The following PCSK5 variants were observed in gnomAD, a reference collection of about 807,000 sequenced individuals.
PCSK5 encodes the protein prohormone convertase 5.
A neutral mutation model predicts 233.2 loss-of-function variants in PCSK5; 129 were observed. That is an observed-to-expected ratio of 0.55 (90% CI 0.48 to 0.64). The LOEUF is 0.64. PCSK5 is among the 30% of genes least tolerant of loss of function. PCSK5 has a pLI of 0.00. For synonymous variants in PCSK5, 825 were observed against 879.2 expected (o/e 0.94, Z 1.09); for missense variants, 2,076 against 2,430.1 (o/e 0.85, Z 3.06).
At chr9:76,185,971 T>C (rs1824084436) in intron 17 of PCSK5, among the ~76,000 whole-genome samples, 1 of 152,178 alleles carries the variant, frequency 6.6e-6, no homozygotes, top group South Asian at 2.1e-4. Context: ...TTAGGGAACA[T>C]TGTATAGAGT....
At chr9:76,055,936 T>C (rs948162233) in intron 5 of PCSK5, among the ~76,000 whole-genome samples, 4 of 152,124 alleles carry the variant, frequency 2.6e-5, no homozygotes, top group Non-Finnish European at 5.9e-5. Flanking sequence ...ACATGACCAA[T>C]TAGAAACATC....
At chr9:76,001,427 GTTACATA>G (rs1397987461) in intron 3 of PCSK5, among the ~76,000 whole-genome samples, 1 of 117,502 alleles carries the variant, frequency 8.5e-6, no homozygotes, top group Non-Finnish European at 1.8e-5. Flanking sequence ...AAAAATCTTT[GTTACATA>G]TTACATGATT....
intron 3 of PCSK5, 37 bp from the exon 4 acceptor site, chr9:76,023,701 T>C (rs1287150013): frequency 1.3e-6 from 2 of 1,552,544 alleles, no homozygotes; most frequent in Non-Finnish European, 1.7e-6. Context: ...ATTTCCTCAC[T>C]ATTTAGTAAT....
intron 22 of PCSK5, 121 bp from the exon 23 acceptor site, chr9:76,238,838 A>G: frequency 1.5e-6 from 1 of 685,414 alleles, no homozygotes; most frequent in Non-Finnish European, 2.5e-6. Flanking sequence ...TACACCCCTC[A>G]TCCACTAGGA....
chr9:76,327,991 G>A lies in PCSK5; in HGVS notation c.4340-18G>A, dbSNP rs747776272. 2 of 1,534,046 alleles carry A rather than the reference G, an allele frequency of 1.3e-6. No individual in the cohort carries two copies. The highest frequency in any genetic ancestry group is 3.3e-5 in the Admixed American group (2 of 59,916). ...CTGGCTCTCGCTCACTCTGTCTGCT[G>A]CCCCTCCACGCCCACAGATTGCCAC... On this transcript the variant is annotated intron_variant, in intron 32 of 37. Coordinates refer to ENST00000674117, the MANE Select transcript of PCSK5 (RefSeq NM_001372043.1).
At chr9:76,292,492 T>C (rs1249343451) in intron 25 of PCSK5, among the ~76,000 whole-genome samples, 1 of 152,222 alleles carries the variant, frequency 6.6e-6, no homozygotes, top group Admixed American at 6.5e-5. Flanking sequence ...CTGGAAGTCA[T>C]CCAGCCTGAC....
intron 24 of PCSK5, among the ~76,000 whole-genome samples, chr9:76,267,950 T>TACACAC (rs10539241): frequency 1.3e-5 from 2 of 149,314 alleles, no homozygotes; most frequent in Non-Finnish European, 1.5e-5. Context: ...CTTATGGGTA[T>TACACAC]ACACACACAC....
In PCSK5 at chr9:76,169,541, G is replaced by GTA. The variant is rs146431167; in HGVS notation, c.1620-151_1620-150dup. ...GTAAAACAATGATTTATATATATAT[G>GTA]TATATATATATATCTGCAAATTGGT... is the stretch of plus-strand genomic sequence containing the variant. On this transcript the variant is annotated intron_variant, in intron 12 of 37. Coordinates refer to ENST00000674117, the MANE Select transcript of PCSK5 (RefSeq NM_001372043.1). 3.9e-4 allele frequency among the ~76,000 whole-genome samples: 59 copies of GTA among 151,276 alleles called. 2 individuals are homozygous for GTA. The highest frequency in any genetic ancestry group is 3.4e-3 in the Middle Eastern group (1 of 294).
chr9:76,044,089 T>C (rs1391470318), intron 5 of PCSK5, among the ~76,000 whole-genome samples: 3 of 152,212 alleles, frequency 2.0e-5, no homozygotes, highest in African/African-American at 7.2e-5. Flanking sequence ...TGTTAATAAA[T>C]ATAAATGTTG....
chr9:76,100,448 T>C (rs1278020440), intron 8 of PCSK5, among the ~76,000 whole-genome samples: 2 of 152,254 alleles, frequency 1.3e-5, no homozygotes, highest in Non-Finnish European at 2.9e-5. Context: ...GGAAACCCTA[T>C]GCAGAAAGAT....
At chr9:76,136,383 T>C (rs1822978575) in intron 10 of PCSK5, among the ~76,000 whole-genome samples, 1 of 152,050 alleles carries the variant, frequency 6.6e-6, no homozygotes, top group Non-Finnish European at 1.5e-5. Context: ...TGCTATGACT[T>C]TTTATGAAAT....
intron 9 of PCSK5, among the ~76,000 whole-genome samples, chr9:76,110,808 C>T (rs149133078): frequency 9.9e-5 from 15 of 152,274 alleles, no homozygotes; most frequent in African/African-American, 3.6e-4. Flanking sequence ...CAAGTTTGAT[C>T]ATGAAATAAC....
At chr9:76,320,433 A>G (rs1343610428) in intron 30 of PCSK5, among the ~76,000 whole-genome samples, 2 of 65,476 alleles carry the variant, frequency 3.1e-5, no homozygotes, top group African/African-American at 1.5e-4. Context: ...TGTCTCAAAA[A>G]AAAAAAAAGA....
intron 8 of PCSK5, among the ~76,000 whole-genome samples, chr9:76,098,201 T>C (rs778278192): frequency 1.3e-5 from 2 of 152,246 alleles, no homozygotes; most frequent in Non-Finnish European, 2.9e-5. Flanking sequence ...CCTACCCATA[T>C]ACATGTCCCC....
intron 24 of PCSK5, among the ~76,000 whole-genome samples, chr9:76,260,270 G>T (rs1401624992): frequency 6.6e-6 from 1 of 152,108 alleles, no homozygotes; most frequent in African/African-American, 2.4e-5. Flanking sequence ...CAGAATAATA[G>T]GCCCCCAAAA....
At chr9:76,111,819 G>A (rs1231561415) in intron 9 of PCSK5, among the ~76,000 whole-genome samples, 2 of 152,136 alleles carry the variant, frequency 1.3e-5, no homozygotes, top group African/African-American at 4.8e-5. Context: ...AACACCTTAT[G>A]TTTGAAAAGT....
intron 2 of PCSK5, among the ~76,000 whole-genome samples, chr9:75,945,138 A>G (rs1317697837): frequency 6.6e-6 from 1 of 150,898 alleles, no homozygotes; most frequent in African/African-American, 2.4e-5. Flanking sequence ...AATAAAATAA[A>G]ACATATAAAA....
At position 75,928,749 on chromosome 9, in the gene PCSK5, A is replaced by G. The variant is rs541246714; in HGVS notation, c.193-3630A>G. On this transcript the variant is annotated intron_variant, in intron 1 of 37. Transcript: ENST00000674117. Reference sequence around the variant, plus strand: ...AACAAAATGAAAGAAAATAAAGGGTAGAGATGTCTCAACCCACAACTTTCA... The same window carrying G: ...AACAAAATGAAAGAAAATAAAGGGTGGAGATGTCTCAACCCACAACTTTCA... 1.7e-3 allele frequency among the ~76,000 whole-genome samples: 252 copies of G among 151,182 alleles called. 1 individual carries two copies. The highest frequency in any genetic ancestry group is 2.7e-3 in the Non-Finnish European group (185 of 67,792).
At chr9:76,295,650 G>A (rs1408545105) in intron 26 of PCSK5, among the ~76,000 whole-genome samples, 1 of 152,192 alleles carries the variant, frequency 6.6e-6, no homozygotes, top group Non-Finnish European at 1.5e-5. Flanking sequence ...CCAAGCTGAT[G>A]GAAACAAGGC....
Sources: allele counts gnomAD v4.1 joint callset (sites outside exome capture counted in the v4.1 genomes callset), GRCh38; gene constraint gnomAD v4.1.1; transcripts MANE v1.5; gene names NCBI Gene and HGNC (gene_info 2026-07-23, HGNC 2026-07-21).